The following FCRL1 variants were observed in gnomAD, a reference collection of about 807,000 sequenced individuals.
FCRL1 encodes the protein Fc receptor like 1.
Under a neutral mutation model 49.2 loss-of-function variants are expected in FCRL1, and 34 were observed. The observed-to-expected ratio is 0.69, with a 90% CI of 0.53 to 0.92. FCRL1 has a LOEUF of 0.92. Among genes scored for constraint, FCRL1 ranks in the 40% least tolerant of loss-of-function variants. The pLI is 0.00. For missense variants in FCRL1, 524 were observed against 524.1 expected (o/e 1.00, Z 0.00); for synonymous variants, 218 against 201.6 (o/e 1.08, Z -0.69).
intron 3 of FCRL1, 42 bp downstream of exon 3, chr1:157,803,803 C>T (rs747698438): frequency 1.3e-6 from 2 of 1,598,660 alleles, no homozygotes; most frequent in Admixed American, 1.7e-5. Context: ...TGCCACTGCC[C>T]TTCTCAGCCT....
chr1:157,801,647 G>GCACAACCCACACCCAAGA, intron 5 of FCRL1, 70 bp from the exon 6 acceptor site: 1 of 1,118,758 alleles, frequency 8.9e-7, no homozygotes, highest in Non-Finnish European at 1.3e-6. Flanking sequence ...GACATCTTGG[G>GCACAACCCACACCCAAGA]TGTGGGTTGT....
intron 4 of FCRL1, 51 bp downstream of exon 4, chr1:157,802,326 G>C: frequency 6.3e-7 from 1 of 1,595,626 alleles, no homozygotes; most frequent in South Asian, 1.1e-5. Flanking sequence ...CCAGGGAAAT[G>C]TGGAGCCCAG....
chr1:157,810,645 TG>T (rs1300352990), intron 1 of FCRL1, among the ~76,000 whole-genome samples: 4 of 152,104 alleles, frequency 2.6e-5, no homozygotes, highest in African/African-American at 9.7e-5. Context: ...ATTCTGCTGG[TG>T]GTTATATGGA....
chr1:157,807,904 C>T lies in FCRL1; in HGVS notation c.32-782G>A, dbSNP rs187472362. 9.9e-5 allele frequency among the ~76,000 whole-genome samples: 15 copies of T among 152,174 alleles called. 1 individual carries two copies. The highest frequency in any genetic ancestry group is 4.6e-4 in the Admixed American group (7 of 15,288). ...CGGTAAAGTGTAGATAATTGTGGTA[C>T]CTACCTCACAGAGTTTTTGTGAAGA... On this transcript the variant is annotated intron_variant, in intron 1 of 10. Coordinates refer to ENST00000368176, the MANE Select transcript of FCRL1 (RefSeq NM_052938.5).
Position 157,795,855 on chromosome 1 carries a change from G to A in FCRL1, c.*244C>T, listed in dbSNP as rs1059464. ...AGCACAATATGACCTGTTTTCAAAG[G>A]AGCCGGCAGGAATCTGGTTCTGATA... is the stretch of plus-strand genomic sequence containing the variant. On this transcript the variant is annotated 3_prime_UTR_variant, in exon 11 of 11. Transcript: ENST00000368176. 2.3e-6 allele frequency: 1 copy of A among 433,892 alleles called. No individual in the cohort carries two copies. The highest frequency in any genetic ancestry group is 4.5e-5 in the South Asian group (1 of 22,362). The allele number at this position is 433,892 out of a possible 1,614,324, so 26.9% of individuals were successfully genotyped here.
intron 7 of FCRL1, among the ~76,000 whole-genome samples, 189 bp from the exon 8 acceptor site, chr1:157,798,432 G>A (rs896225609): frequency 3.3e-5 from 5 of 152,146 alleles, no homozygotes; most frequent in Non-Finnish European, 5.9e-5. Flanking sequence ...GTGGGGCACC[G>A]CAGAGCATGC....
At chr1:157,807,055 A>G (rs1653587509) in intron 2 of FCRL1, 47 bp downstream of exon 2, 2 of 1,612,112 alleles carry the variant, frequency 1.2e-6, no homozygotes, top group Non-Finnish European at 1.7e-6. Context: ...TGACCTAAGT[A>G]ACAAAATACC....
chr1:157,819,547 AAC>A (rs1264113605), intron 1 of FCRL1, among the ~76,000 whole-genome samples: 1 of 152,100 alleles, frequency 6.6e-6, no homozygotes, highest in Non-Finnish European at 1.5e-5. Context: ...GTGAGCTAGA[AAC>A]ACAACTTAGT....
intron 1 of FCRL1, 61 bp from the exon 2 acceptor site, chr1:157,807,183 T>C: frequency 1.3e-6 from 2 of 1,586,392 alleles, no homozygotes; most frequent in Non-Finnish European, 1.7e-6. Flanking sequence ...CTCCAAAGTT[T>C]AAATCCTTTG....
At chr1:157,817,474 T>C (rs1272582484) in intron 1 of FCRL1, among the ~76,000 whole-genome samples, 2 of 152,058 alleles carry the variant, frequency 1.3e-5, no homozygotes, top group African/African-American at 4.8e-5. Flanking sequence ...GGATATCCAC[T>C]TATAGAAGAA....
intron 1 of FCRL1, among the ~76,000 whole-genome samples, chr1:157,812,356 C>T (rs75402685): frequency 3.3e-5 from 5 of 152,066 alleles, no homozygotes; most frequent in South Asian, 2.1e-4. Flanking sequence ...AGGGTCTTTC[C>T]GGTCACTACA....
chr1:157,817,298 A>C (rs530787499), intron 1 of FCRL1, among the ~76,000 whole-genome samples: 13 of 152,224 alleles, frequency 8.5e-5, no homozygotes, highest in African/African-American at 1.2e-4. Context: ...TATAATAATC[A>C]AAACAGCATT....
chr1:157,797,695 T>C (rs1223884917), intron 9 of FCRL1, 173 bp downstream of exon 9: 1 of 1,496,570 alleles, frequency 6.7e-7, no homozygotes, highest in East Asian at 2.5e-5. Flanking sequence ...GCATTAGCTC[T>C]GGGCTCTACT....
chr1:157,819,864 G>A (rs951814428), intron 1 of FCRL1, 143 bp downstream of exon 1: 3 of 911,780 alleles, frequency 3.3e-6, no homozygotes, highest in Non-Finnish European at 5.1e-6. Flanking sequence ...GCCTGACTCT[G>A]AGCCCTCCGT....
Position 157,815,049 on chromosome 1 carries a change from C to T in FCRL1, c.31+4958G>A, listed in dbSNP as rs117090645. 5.3e-4 allele frequency among the ~76,000 whole-genome samples: 81 copies of T among 151,886 alleles called. No homozygotes were observed. The East Asian group carries it at 0.014, about 27-fold the overall frequency. On this transcript the variant is annotated intron_variant, in intron 1 of 10. Transcript: ENST00000368176. ...CCACTTTCAGCAATGGAAAATCATC[C>T]AGATGGAAAATCAACAAAGAAATAT... is the stretch of plus-strand genomic sequence containing the variant.
In FCRL1 at chr1:157,801,897, C is replaced by T. The variant is rs760526926; in HGVS notation, c.886+18G>A. 1 of 1,603,982 alleles carries T rather than the reference C, an allele frequency of 6.2e-7. No homozygotes were observed. Among genetic ancestry groups the T allele is most frequent in the South Asian group, 1.1e-5 (1 of 89,008 alleles). The stretch of plus-strand genomic sequence containing the variant: ...GAAGGAGACATTGACCAAGACAGTT[C>T]CATAGCCTGAGCTATACCTGTGAAG... On this transcript the variant is annotated intron_variant, in intron 5 of 10. Coordinates refer to ENST00000368176, the MANE Select transcript of FCRL1 (RefSeq NM_052938.5).
chr1:157,803,808 C>T, intron 3 of FCRL1, 37 bp downstream of exon 3: 1 of 1,601,618 alleles, frequency 6.2e-7, no homozygotes, highest in Non-Finnish European at 8.5e-7. Context: ...CTGCCCTTCT[C>T]AGCCTATCCT....
intron 3 of FCRL1, among the ~76,000 whole-genome samples, chr1:157,803,567 G>A (rs1039658662): frequency 2.0e-5 from 3 of 152,134 alleles, no homozygotes; most frequent in Non-Finnish European, 2.9e-5. Flanking sequence ...CATCAACTTC[G>A]TGTAGTCAGG....
intron 1 of FCRL1, among the ~76,000 whole-genome samples, chr1:157,810,097 G>A (rs763249973): frequency 2.8e-4 from 43 of 152,090 alleles, no homozygotes; most frequent in Non-Finnish European, 5.1e-4. Flanking sequence ...TTGACCCCTT[G>A]ATGCAGCAAC....
Sources: allele counts gnomAD v4.1 joint callset (sites outside exome capture counted in the v4.1 genomes callset), GRCh38; gene constraint gnomAD v4.1.1; transcripts MANE v1.5; gene names NCBI Gene and HGNC (gene_info 2026-07-23, HGNC 2026-07-21).